The following PARD3B variants were observed in gnomAD, a reference collection of about 807,000 sequenced individuals.
The protein encoded by PARD3B is par-3 family cell polarity regulator beta, also known as partitioning defective 3 homolog B.
Under a neutral mutation model 130.2 loss-of-function variants are expected in PARD3B, and 103 were observed. The observed-to-expected ratio is 0.79, with a 90% CI of 0.67 to 0.93. The LOEUF (loss-of-function observed/expected upper bound fraction) is 0.93, where lower values mean the gene tolerates loss of function less well. Among genes scored for constraint, PARD3B ranks in the 40% least tolerant of loss-of-function variants. The probability of loss-of-function intolerance (pLI) is 0.00; values close to 1 mark genes in which losing one functional copy is unlikely to be tolerated. For missense variants in PARD3B, 1,609 were observed against 1,499.2 expected (o/e 1.07, Z -1.21); for synonymous variants, 583 against 553.2 (o/e 1.05, Z -0.76).
intron 1 of PARD3B, among the ~76,000 whole-genome samples, chr2:204,593,276 A>G (rs758593755): frequency 1.3e-5 from 2 of 152,220 alleles, no homozygotes; most frequent in Non-Finnish European, 2.9e-5. Context: ...TCCTCAACGT[A>G]GATTGAGGAT....
intron 10 of PARD3B, among the ~76,000 whole-genome samples, chr2:205,150,945 A>G (rs1230076559): frequency 7.4e-6 from 1 of 135,800 alleles, no homozygotes; most frequent in Non-Finnish European, 1.7e-5. Context: ...ACTATAGTTA[A>G]TAACATTGTA....
At chr2:205,057,350 CATATATACAT>C in intron 4 of PARD3B, among the ~76,000 whole-genome samples, 1 of 68,844 alleles carries the variant, frequency 1.5e-5, no homozygotes, top group Non-Finnish European at 3.3e-5. Flanking sequence ...TATACATATA[CATATATACAT>C]GTATATGTGT....
At chr2:205,388,588 A>AAC (rs1553501738) in intron 18 of PARD3B, among the ~76,000 whole-genome samples, 2 of 152,212 alleles carry the variant, frequency 1.3e-5, no homozygotes, top group Non-Finnish European at 2.9e-5. Flanking sequence ...CCTGTTAGAA[A>AAC]TCAAGTTGTT....
chr2:204,849,184 T>C (rs1486863334), intron 2 of PARD3B, among the ~76,000 whole-genome samples: 2 of 152,144 alleles, frequency 1.3e-5, no homozygotes, highest in African/African-American at 2.4e-5. Flanking sequence ...TTGGGGTCTA[T>C]TAATCTTGAC....
intron 18 of PARD3B, among the ~76,000 whole-genome samples, chr2:205,383,109 T>TAGATAGATAGATAGATAGATAGAGAGAG (rs1553500317): frequency 6.9e-5 from 10 of 144,994 alleles, no homozygotes; most frequent in South Asian, 2.3e-4. Context: ...GATAGATAGA[T>TAGATAGATAGATAGATAGATAGAGAGAG]AGATAGATAG....
chr2:205,304,375 C>T (rs1462122473), intron 18 of PARD3B, among the ~76,000 whole-genome samples: 1 of 152,146 alleles, frequency 6.6e-6, no homozygotes, highest in African/African-American at 2.4e-5. Context: ...GTGGCCCAAG[C>T]CTGTAATCCC....
At chr2:205,133,930 T>A (rs1311241121) in intron 10 of PARD3B, among the ~76,000 whole-genome samples, 2 of 152,256 alleles carry the variant, frequency 1.3e-5, no homozygotes, top group African/African-American at 4.8e-5. Flanking sequence ...TTTGAGAGAC[T>A]TGGAATATTG....
chr2:205,419,094 T>A (rs1210089357), intron 19 of PARD3B, among the ~76,000 whole-genome samples: 3 of 152,158 alleles, frequency 2.0e-5, no homozygotes, highest in African/African-American at 7.2e-5. Flanking sequence ...ATGGTTTGGC[T>A]CTCTCCCCAC....
At chr2:205,004,016 C>T (rs973916159) in intron 3 of PARD3B, among the ~76,000 whole-genome samples, 3 of 152,122 alleles carry the variant, frequency 2.0e-5, no homozygotes, top group African/African-American at 7.2e-5. Context: ...TTCATTTTAT[C>T]AGTTTAGACT....
chr2:205,032,385 C>T (rs1697489028), intron 3 of PARD3B, among the ~76,000 whole-genome samples: 1 of 152,060 alleles, frequency 6.6e-6, no homozygotes, highest in Admixed American at 6.6e-5. Flanking sequence ...GCTGGTGCCA[C>T]ATCATGAACA....
chr2:205,339,151 T>A (rs1179320910), intron 18 of PARD3B, among the ~76,000 whole-genome samples: 1 of 152,176 alleles, frequency 6.6e-6, no homozygotes, highest in Non-Finnish European at 1.5e-5. Context: ...TTATATAGTA[T>A]TTTTTTGTTT....
Position 204,899,576 on chromosome 2 carries a change from T to G in PARD3B, c.223-65576T>G, listed in dbSNP as rs144403915. Among the ~76,000 whole-genome samples the G allele has an allele frequency of 1.9e-3, 282 of 152,300 alleles. 1 individual carries two copies. Among genetic ancestry groups the G allele is most frequent in the Non-Finnish European group, 3.6e-3 (244 of 68,026 alleles). On this transcript the variant is annotated intron_variant, in intron 2 of 22. Coordinates refer to ENST00000406610, the MANE Select transcript of PARD3B (RefSeq NM_001302769.2). ...TGTTTCTATTTGTATCTTACTGTTATGTCTTGAAAAGTTGTTGTTATTATT... is the reference window on the plus strand; with the variant it reads ...TGTTTCTATTTGTATCTTACTGTTAGGTCTTGAAAAGTTGTTGTTATTATT...
intron 3 of PARD3B, among the ~76,000 whole-genome samples, chr2:204,989,823 T>TA (rs869231599): frequency 5.9e-5 from 9 of 152,092 alleles, no homozygotes; most frequent in African/African-American, 2.2e-4. Flanking sequence ...TTTCCTTTTT[T>TA]AAAAAAATGG....
chr2:204,660,202 TC>T (rs937852707), intron 1 of PARD3B, among the ~76,000 whole-genome samples: 3 of 152,188 alleles, frequency 2.0e-5, no homozygotes, highest in African/African-American at 7.2e-5. Flanking sequence ...TAAATTTTCA[TC>T]CCTTCTGTTG....
chr2:205,378,966 G>T (rs150978146), intron 18 of PARD3B, among the ~76,000 whole-genome samples: 1 of 151,174 alleles, frequency 6.6e-6, no homozygotes, highest in African/African-American at 2.4e-5. Context: ...GAAAAGAACC[G>T]TCTGTGGCTA....
chr2:204,593,340 G>T (rs1211342641), intron 1 of PARD3B, among the ~76,000 whole-genome samples: 3 of 152,112 alleles, frequency 2.0e-5, no homozygotes, highest in African/African-American at 4.8e-5. Context: ...GGTAGGGGAG[G>T]GGGCTTGCGC....
Position 205,245,434 on chromosome 2 carries a change from A to G in PARD3B, c.2141-344A>G, listed in dbSNP as rs551539887. On this transcript the variant is annotated intron_variant, in intron 15 of 22. Transcript: ENST00000406610. Reference sequence around the variant, plus strand: ...ACACGTATTGCTGTTATGCTGAAAGAATTTTATTATATTGTATACATCCCT... The same window carrying G: ...ACACGTATTGCTGTTATGCTGAAAGGATTTTATTATATTGTATACATCCCT... Among the ~76,000 whole-genome samples, 7 of 152,308 alleles carry G rather than the reference A, an allele frequency of 4.6e-5. No homozygotes were observed. The South Asian group carries it at 1.2e-3, about 27-fold the overall frequency.
intron 3 of PARD3B, among the ~76,000 whole-genome samples, chr2:204,997,260 G>T (rs557203223): frequency 6.6e-6 from 1 of 152,136 alleles, no homozygotes; most frequent in Non-Finnish European, 1.5e-5. Context: ...TTTAGAACTG[G>T]CCGGTTAAAT....
chr2:205,124,511 TTAAA>T, intron 9 of PARD3B, 45 bp downstream of exon 9: 1 of 1,449,062 alleles, frequency 6.9e-7, no homozygotes, highest in Non-Finnish European at 9.2e-7. Context: ...TTCTTGGCAT[TTAAA>T]TAATGCCATT....
Sources: gnomAD v4.1 joint callset for allele counts (sites outside exome capture counted in the v4.1 genomes callset) on GRCh38, gnomAD v4.1.1 for gene constraint, MANE v1.5 for transcripts, NCBI Gene and HGNC (gene_info 2026-07-23, HGNC 2026-07-21) for gene names.